PRH1: variants seen among roughly 807,000 people sequenced by gnomAD.
PRH1 encodes proline rich protein HaeIII subfamily 1.
In PRH1, 7 loss-of-function variants were observed where a neutral mutation model predicts 7.9. The ratio of observed to expected loss-of-function variants is 0.89; its 90% CI spans 0.50 to 1.67. The LOEUF is 1.67. Ranked by LOEUF, PRH1 falls within the 40% of genes most tolerant of loss-of-function variation. The probability of loss-of-function intolerance (pLI) is 0.00; values close to 1 mark genes in which losing one functional copy is unlikely to be tolerated. For missense variants in PRH1, 109 were observed against 223.6 expected, an observed-to-expected ratio of 0.49 and a Z score of 3.27; for synonymous variants, 45 against 80.8, an observed-to-expected ratio of 0.56 and a Z score of 2.38.
intron 1 of PRH1, among the ~76,000 whole-genome samples, chr12:11,099,419 A>C (rs1236390518): frequency 6.6e-6 from 1 of 152,124 alleles, no homozygotes; most frequent in East Asian, 1.9e-4. Flanking sequence ...CCATCCATCA[A>C]ACCCAGCTTA....
intron 2 of PRH1, among the ~76,000 whole-genome samples, chr12:10,970,439 C>T (rs1004997626): frequency 6.6e-6 from 1 of 151,852 alleles, no homozygotes; most frequent in Admixed American, 6.6e-5. Flanking sequence ...GAAATAAGAA[C>T]AAAAGGTGTC....
Position 11,123,926 on chromosome 12 carries a change from C to T in PRH1, n.40-2746G>A, listed in dbSNP as rs775969505. Reference sequence around the variant, plus strand: ...GGGAAACTGAACAAACTAATCTTAACGCCATGTTCTTTTTAAAAGTGTTTT... The same window carrying T: ...GGGAAACTGAACAAACTAATCTTAATGCCATGTTCTTTTTAAAAGTGTTTT... On this transcript the variant is annotated intron_variant and non_coding_transcript_variant, in intron 1 of 1. Transcript: ENST00000541175. Among the ~76,000 whole-genome samples the T allele has an allele frequency of 3.7e-4, 57 of 152,236 alleles. 1 individual carries two copies. The South Asian group carries it at 4.6e-3, about 12-fold the overall frequency.
At chr12:10,900,643 T>C (rs549824165) in intron 2 of PRH1, among the ~76,000 whole-genome samples, 1 of 152,366 alleles carries the variant, frequency 6.6e-6, no homozygotes, top group South Asian at 2.1e-4. Flanking sequence ...GCTTAGCTAC[T>C]TGGAACTAGT....
At chr12:10,975,829 G>A (rs563812715) in intron 1 of PRH1, among the ~76,000 whole-genome samples, 2 of 151,134 alleles carry the variant, frequency 1.3e-5, no homozygotes, top group Non-Finnish European at 2.9e-5. Context: ...GACAAGGAAG[G>A]GCATTATGTA....
Position 11,017,721 on chromosome 12 carries a change from G to A in PRH1, c.-126+29299C>T, listed in dbSNP as rs145785458. Reference sequence around the variant, plus strand: ...TTGCTCAGGCTAGTCTCAAACTCCTGGCCTCCAGTGATCTGCCTGCGTTGG... The same window carrying A: ...TTGCTCAGGCTAGTCTCAAACTCCTAGCCTCCAGTGATCTGCCTGCGTTGG... On this transcript the variant is annotated intron_variant, in intron 1 of 3. Coordinates refer to the PRH1 transcript ENST00000539853. Among the ~76,000 whole-genome samples the A allele has an allele frequency of 9.9e-4, 151 of 152,018 alleles. No homozygotes were observed. The East Asian group carries it at 0.024, about 24-fold the overall frequency.
At chr12:10,972,046 G>A (rs1040870883) in intron 2 of PRH1, among the ~76,000 whole-genome samples, 43 of 152,096 alleles carry the variant, frequency 2.8e-4, no homozygotes, top group African/African-American at 1.0e-3. Flanking sequence ...ATCATTTTGA[G>A]AAAATATGAT....
intron 1 of PRH1, among the ~76,000 whole-genome samples, chr12:11,110,356 T>C (rs2597950): frequency 0.46 from 69,144 of 151,794 alleles, 16,541 homozygotes; most frequent in Non-Finnish European, 0.53. Context: ...CACCCAAAAA[T>C]ACATAATAGT....
chr12:11,003,663 A>T (rs989132917), intron 1 of PRH1, among the ~76,000 whole-genome samples: 23 of 152,016 alleles, frequency 1.5e-4, no homozygotes, highest in Admixed American at 1.1e-3. Flanking sequence ...TTTGGTAAGG[A>T]GTTATAAGAA....
At chr12:10,898,824 C>T (rs182612662) in intron 2 of PRH1, among the ~76,000 whole-genome samples, 12 of 152,248 alleles carry the variant, frequency 7.9e-5, no homozygotes, top group Admixed American at 3.9e-4. Flanking sequence ...TCCAGACACA[C>T]GGAACAGCAT....
chr12:11,171,605 C>G, upstream of PRH1: 2 of 1,210,412 alleles, frequency 1.7e-6, no homozygotes, highest in South Asian at 4.2e-5. Context: ...AGCATGATGG[C>G]CGACTCCCAG....
intron 1 of PRH1, chr12:10,997,341 C>CA (rs758237913): frequency 6.2e-7 from 1 of 1,614,088 alleles, no homozygotes; most frequent in Admixed American, 1.7e-5. Context: ...AGCATGGCTA[C>CA]AGTCAAGTTG....
chr12:10,903,948 A>AAAAAAAAAAAAAAAAAAAAAAAAAAC (rs1949763702), intron 2 of PRH1, among the ~76,000 whole-genome samples: 2 of 146,930 alleles, frequency 1.4e-5, no homozygotes, highest in Non-Finnish European at 3.0e-5. Flanking sequence ...AAAAAAAAAA[A>AAAAAAAAAAAAAAAAAAAAAAAAAAC]AAAAAACAAC....
intron 1 of PRH1, among the ~76,000 whole-genome samples, chr12:11,052,773 T>G (rs1943199797): frequency 1.3e-5 from 2 of 149,392 alleles, no homozygotes; most frequent in South Asian, 4.3e-4. Flanking sequence ...TTCTATTGGA[T>G]TCTCAGTACT....
intron 1 of PRH1, among the ~76,000 whole-genome samples, chr12:10,987,360 T>A (rs1398875003): frequency 2.0e-5 from 3 of 152,082 alleles, no homozygotes; most frequent in African/African-American, 7.3e-5. Flanking sequence ...ATCACCACCA[T>A]AACGGATTTA....
chr12:11,061,646 G>A (rs2136181760), intron 1 of PRH1: 1 of 1,614,112 alleles, frequency 6.2e-7, no homozygotes, highest in Non-Finnish European at 8.5e-7. Flanking sequence ...CTGGGATCTT[G>A]AGATCCTTTG....
At chr12:11,112,832 T>C (rs1945628296) in intron 1 of PRH1, among the ~76,000 whole-genome samples, 1 of 152,246 alleles carries the variant, frequency 6.6e-6, no homozygotes, top group Non-Finnish European at 1.5e-5. Context: ...ATAAAGGGTA[T>C]TCAAATAGAA....
chr12:11,131,305 C>A, intron 1 of PRH1, among the ~76,000 whole-genome samples: 1 of 145,952 alleles, frequency 6.9e-6, no homozygotes, highest in East Asian at 2.0e-4. Context: ...TCTCTCTCAC[C>A]TCACTGTGAA....
chr12:11,027,447 C>G (rs959734163), intron 1 of PRH1, among the ~76,000 whole-genome samples: 19 of 151,852 alleles, frequency 1.3e-4, no homozygotes, highest in Admixed American at 1.2e-3. Context: ...TTCAGTGTCC[C>G]TAGACCACAC....
chr12:11,027,549 T>G (rs1170540357), intron 1 of PRH1, among the ~76,000 whole-genome samples: 2 of 152,254 alleles, frequency 1.3e-5, no homozygotes, highest in Admixed American at 6.5e-5. Context: ...TGGGGGCCTA[T>G]TGGGATTTTG....
Sources: gnomAD v4.1 joint callset for allele counts (sites outside exome capture counted in the v4.1 genomes callset) on GRCh38, gnomAD v4.1.1 for gene constraint, MANE v1.5 for transcripts, NCBI Gene and HGNC (gene_info 2026-07-23, HGNC 2026-07-21) for gene names.